Variants in ANAPC1 observed in about 807,000 individuals in gnomAD.
ANAPC1 encodes the protein anaphase promoting complex subunit 1, also known as anaphase-promoting complex subunit 1.
In ANAPC1, 36 loss-of-function variants were observed where a neutral mutation model predicts 208.0. The ratio of observed to expected loss-of-function variants is 0.17; its 90% confidence interval spans 0.13 to 0.23. The LOEUF (loss-of-function observed/expected upper bound fraction) is 0.23. Ranked by LOEUF, ANAPC1 falls within the 10% of genes least tolerant of loss-of-function variation. ANAPC1 has a pLI of 1.00. For missense variants in ANAPC1, 942 were observed against 2,011.6 expected (o/e 0.47, Z 10.17); for synonymous variants, 378 against 695.2 (o/e 0.54, Z 7.18).
chr2:111,856,213 C>G (rs1681710887), intron 13 of ANAPC1, among the ~76,000 whole-genome samples: 1 of 152,110 alleles, frequency 6.6e-6, no homozygotes, highest in Non-Finnish European at 1.5e-5. Context: ...CCACCCTGGG[C>G]AACAGAGCGA....
chr2:111,821,217 T>C (rs71258290), intron 26 of ANAPC1, 22 bp downstream of exon 26: 342,671 of 1,587,078 alleles, frequency 0.22, 39,047 homozygotes, highest in Middle Eastern at 0.29. Context: ...TGACAAGAGA[T>C]AGTGCACGTG....
chr2:111,853,517 C>G (rs1368678585), intron 13 of ANAPC1, among the ~76,000 whole-genome samples: 3 of 152,052 alleles, frequency 2.0e-5, no homozygotes, highest in African/African-American at 7.2e-5. Flanking sequence ...CATCTTCAGG[C>G]TCTACTTCTA....
intron 20 of ANAPC1, among the ~76,000 whole-genome samples, chr2:111,832,846 G>C (rs1287475834): frequency 2.7e-5 from 4 of 148,596 alleles, no homozygotes; most frequent in Non-Finnish European, 5.9e-5. Flanking sequence ...GCTGAGGCAG[G>C]AGAATGGTGT....
chr2:111,829,963 G>C (rs1680046020), intron 21 of ANAPC1, among the ~76,000 whole-genome samples: 1 of 152,080 alleles, frequency 6.6e-6, no homozygotes, highest in South Asian at 2.1e-4. Context: ...CCAGCTATTT[G>C]GGAGGCTGAG....
chr2:111,851,256 C>T (rs1681380214), intron 13 of ANAPC1, among the ~76,000 whole-genome samples: 1 of 152,134 alleles, frequency 6.6e-6, no homozygotes, highest in Non-Finnish European at 1.5e-5. Flanking sequence ...GCACATGCCA[C>T]TATGCCTGGT....
chr2:111,842,915 G>A (rs139554298), intron 17 of ANAPC1, among the ~76,000 whole-genome samples: 1,627 of 152,274 alleles, frequency 0.011, 18 homozygotes, highest in Non-Finnish European at 0.017. Flanking sequence ...ACCATTAACA[G>A]AGTAGATACT....
Position 111,880,608 on chromosome 2 carries a change from G to A in ANAPC1, c.213+5C>T. ...TCAAAAACACAATGGGAAACTCAAT[G>A]GAACCTTCTGTTTCTCGTGGATTGT... is the stretch of plus-strand genomic sequence containing the variant. On this transcript the variant is annotated splice_donor_5th_base_variant and intron_variant, in intron 2 of 47. Transcript: ENST00000341068. 1.9e-6 allele frequency: 3 copies of A among 1,606,174 alleles called. No individual in the cohort carries two copies. The highest frequency in any genetic ancestry group is 2.6e-6 in the Non-Finnish European group (3 of 1,176,292).
intron 20 of ANAPC1, among the ~76,000 whole-genome samples, chr2:111,832,450 T>C (rs939424307): frequency 9.2e-5 from 14 of 152,050 alleles, no homozygotes; most frequent in Admixed American, 7.2e-4. Flanking sequence ...GGGTCTAGGA[T>C]AGTACAGTGG....
chr2:111,838,368 C>T (rs1448821523), intron 18 of ANAPC1, 70 bp downstream of exon 18: 2 of 1,281,834 alleles, frequency 1.6e-6, no homozygotes, highest in Non-Finnish European at 2.1e-6. Context: ...GATAGGAATA[C>T]CACAGAAGTG....
downstream of ANAPC1, among the ~76,000 whole-genome samples, chr2:111,767,195 G>C (rs1418715302): frequency 6.7e-6 from 1 of 149,786 alleles, no homozygotes; most frequent in Non-Finnish European, 1.5e-5. Flanking sequence ...CCTCACCAGC[G>C]TCTGCCTCTC....
chr2:111,815,959 TCAAA>T (rs200959463), intron 27 of ANAPC1, among the ~76,000 whole-genome samples: 21,234 of 148,594 alleles, frequency 0.14, 327 homozygotes, highest in Admixed American at 0.17. Context: ...ATTTTTTCTT[TCAAA>T]CAGAGAGCTT....
rs531092280 is a variant in ANAPC1, at chr2:111,808,767, G to A, written c.3832+180C>T. ...AGGTTAATAACCTGCAGTTACATTA[G>A]CCTTGGATAACATTACTTAGAGTTT... is the stretch of plus-strand genomic sequence containing the variant. On this transcript the variant is annotated intron_variant, in intron 29 of 47. Coordinates refer to ENST00000341068, the MANE Select transcript of ANAPC1 (RefSeq NM_022662.4). Among the ~76,000 whole-genome samples the A allele has an allele frequency of 7.0e-3, 1,069 of 151,736 alleles. 15 individuals carry two copies. Among genetic ancestry groups the A allele is most frequent in the African/African-American group, 0.025 (1,032 of 41,342 alleles).
intron 24 of ANAPC1, among the ~76,000 whole-genome samples, chr2:111,823,000 C>CTTTTTTTTTTTT (rs58815496): frequency 1.6e-5 from 1 of 61,312 alleles, no homozygotes; most frequent in African/African-American, 7.1e-5. Context: ...TCTTTTTATT[C>CTTTTTTTTTTTT]TTTTTTTTTT....
intron 22 of ANAPC1, 44 bp from the exon 23 acceptor site, chr2:111,825,211 G>C (rs1431882708): frequency 1.2e-5 from 20 of 1,604,466 alleles, no homozygotes; most frequent in Admixed American, 1.7e-5. Flanking sequence ...AGTCATCCTG[G>C]TAAAGAAAAC....
chr2:111,821,331 T>C lies in ANAPC1; in HGVS notation c.3114A>G (p.Arg1038=). 6.2e-7 allele frequency: 1 copy of C among 1,610,852 alleles called. No homozygotes were observed. The highest frequency in any genetic ancestry group is 1.3e-5 in the African/African-American group (1 of 74,906). ...WSEDLRVQDV[R]RLLQSAHPVR... is the part of the protein sequence containing the mutation. ...CAGGATGCGCACTCTGAAGAAGCCT[T>C]CGCACATCCTGCACCCTTAAATCTT... Residue 1038 remains arginine (R), a synonymous_variant, in exon 26 of 48, where the codon CGA becomes CGG. Transcript: ENST00000341068.
At chr2:111,852,761 G>A (rs1305286850) in intron 13 of ANAPC1, among the ~76,000 whole-genome samples, 2 of 151,996 alleles carry the variant, frequency 1.3e-5, no homozygotes, top group Non-Finnish European at 2.9e-5. Context: ...AAAAACAGAA[G>A]ACAAATATGT....
At chr2:111,863,567 A>C in intron 9 of ANAPC1, 108 bp downstream of exon 9, 1 of 1,123,220 alleles carries the variant, frequency 8.9e-7, no homozygotes. Context: ...TCCCCTAAAA[A>C]ACATCTCCCC....
chr2:111,864,379 A>C (rs1460362746), intron 8 of ANAPC1, among the ~76,000 whole-genome samples: 8 of 142,212 alleles, frequency 5.6e-5, no homozygotes, highest in Non-Finnish European at 9.2e-5. Context: ...GATGATAATA[A>C]AACTATTCAC....
At chr2:111,867,147 G>A (rs947903573) in intron 7 of ANAPC1, among the ~76,000 whole-genome samples, 2 of 151,850 alleles carry the variant, frequency 1.3e-5, no homozygotes, top group Admixed American at 6.6e-5. Flanking sequence ...AAAATTAGCT[G>A]AGTGTGGTGG....
Sources: gnomAD v4.1 joint callset for allele counts (sites outside exome capture counted in the v4.1 genomes callset) on GRCh38, gnomAD v4.1.1 for gene constraint, MANE v1.5 for transcripts, NCBI Gene and HGNC (gene_info 2026-07-23, HGNC 2026-07-21) for gene names.